Variants in RAB36 observed in about 807,000 individuals in gnomAD.
RAB36 encodes RAB36, member RAS oncogene family.
In RAB36, 33 loss-of-function variants were observed where a neutral mutation model predicts 39.3. That is an observed-to-expected ratio of 0.84 (90% CI 0.64 to 1.12). The LOEUF (loss-of-function observed/expected upper bound fraction) is 1.12, where lower values mean the gene tolerates loss of function less well. Ranked by LOEUF, RAB36 falls within the 50% of genes most tolerant of loss-of-function variation. The pLI, the probability that RAB36 is intolerant of heterozygous loss-of-function variation, is 0.00. For synonymous variants in RAB36, 133 were observed against 140.2 expected, an observed-to-expected ratio of 0.95 and a Z score of 0.36; for missense variants, 308 against 355.3, an observed-to-expected ratio of 0.87 and a Z score of 1.07.
downstream of RAB36, among the ~76,000 whole-genome samples, chr22:23,168,487 C>T (rs1054876668): frequency 2.7e-5 from 4 of 147,706 alleles, no homozygotes; most frequent in South Asian, 2.2e-4. Flanking sequence ...CCCTGGGCAC[C>T]GCTCCCCGCC....
chr22:23,159,134 G>T, intron 8 of RAB36, 29 bp from the exon 9 acceptor site: 1 of 1,607,608 alleles, frequency 6.2e-7, no homozygotes, highest in Non-Finnish European at 8.5e-7. Flanking sequence ...GAGCCGGGAC[G>T]CTGGGTCAAC....
At chr22:23,161,411 C>T in intron 10 of RAB36, 89 bp from the exon 11 acceptor site, 2 of 1,197,560 alleles carry the variant, frequency 1.7e-6, no homozygotes, top group South Asian at 1.3e-5. Context: ...CTTCAGCTCA[C>T]AGCTCTGACT....
intron 3 of RAB36, among the ~76,000 whole-genome samples, chr22:23,151,666 G>A (rs533589642): frequency 7.9e-5 from 12 of 152,302 alleles, no homozygotes; most frequent in African/African-American, 2.6e-4. Flanking sequence ...AGGATCACTC[G>A]AGCCAAGGAG....
rs540693348 is a variant in RAB36, at chr22:23,163,744, C to CT, written c.*2181dup. 40 of 152,262 alleles carry CT rather than the reference C, an allele frequency of 2.6e-4. No individual in the cohort carries two copies. The highest frequency in any genetic ancestry group is 7.2e-4 in the African/African-American group (30 of 41,540). The allele number at this position is 152,262 out of a possible 1,614,324, so 9.4% of individuals were successfully genotyped here. ...CAGTCAGGACTATTCCTTCTGGACT[C>CT]TGTGCCTTTGCCTGCACAGCTAGTG... On this transcript the variant is annotated 3_prime_UTR_variant, in exon 11 of 11. Transcript: ENST00000263116.
upstream of RAB36, chr22:23,145,346 C>T (rs1476441): frequency 0.11 from 176,033 of 1,599,056 alleles, 10,660 homozygotes; most frequent in Admixed American, 0.17. Flanking sequence ...CGCCCAGACT[C>T]CAGGCAGGTT....
At position 23,164,905 on chromosome 22, in the gene RAB36, A is replaced by T. The variant is rs1420514491; in HGVS notation, c.*3341A>T. Among the ~76,000 whole-genome samples the T allele has an allele frequency of 1.9e-5, 1 of 52,420 alleles. No individual in the cohort carries two copies. Among genetic ancestry groups the T allele is most frequent in the Admixed American group, 2.0e-4 (1 of 4,954 alleles). The allele number at this position is 52,420 out of a possible 152,430, so 34.4% of individuals were successfully genotyped here. On this transcript the variant is annotated 3_prime_UTR_variant, in exon 11 of 11. Coordinates refer to ENST00000263116, the MANE Select transcript of RAB36 (RefSeq NM_004914.5). ...GGCTCCTCACCACCCAGCCCACCCC[A>T]CCCCCACAGGCCCCTGTGCTCCAGT...
chr22:23,155,296 G>A (rs1367555212), intron 5 of RAB36, among the ~76,000 whole-genome samples: 3 of 152,158 alleles, frequency 2.0e-5, no homozygotes, highest in Non-Finnish European at 4.4e-5. Context: ...CTAAGCCAGG[G>A]CAGGTAGATC....
Position 23,165,565 on chromosome 22 carries a change from G to T in RAB36, c.*4001G>T, listed in dbSNP as rs781744988. Among the ~76,000 whole-genome samples, 4 of 152,208 alleles carry T rather than the reference G, an allele frequency of 2.6e-5. No homozygotes were observed. Among genetic ancestry groups the T allele is most frequent in the Admixed American group, 1.3e-4 (2 of 15,290 alleles). ...AGGCTCTGGGCACAGGAAAGAATTG[G>T]ACTTCGGGCAGAAAAATGTTTGTGC... On this transcript the variant is annotated 3_prime_UTR_variant, in exon 11 of 11. Coordinates refer to ENST00000263116, the MANE Select transcript of RAB36 (RefSeq NM_004914.5).
chr22:23,168,846 G>A (rs2072093111), downstream of RAB36, among the ~76,000 whole-genome samples: 1 of 152,186 alleles, frequency 6.6e-6, no homozygotes, highest in Non-Finnish European at 1.5e-5. Flanking sequence ...TGGGATACAT[G>A]GTGGGTGGTC....
chr22:23,168,590 C>G (rs1345857046), downstream of RAB36, among the ~76,000 whole-genome samples: 2 of 152,212 alleles, frequency 1.3e-5, no homozygotes, highest in African/African-American at 4.8e-5. Context: ...CTGCTGTGGC[C>G]TACCAATGTC....
intron 3 of RAB36, among the ~76,000 whole-genome samples, chr22:23,152,166 G>GC (rs2071184366): frequency 6.6e-6 from 1 of 152,186 alleles, no homozygotes; most frequent in African/African-American, 2.4e-5. Flanking sequence ...TCCTGCCTCT[G>GC]CCCCTCCACC....
At chr22:23,150,236 A>G (rs1467379788) in intron 3 of RAB36, 82 bp downstream of exon 3, 2 of 1,107,816 alleles carry the variant, frequency 1.8e-6, no homozygotes, top group Non-Finnish European at 2.7e-6. Context: ...TGAACAAATG[A>G]AACACACACA....
chr22:23,147,471 C>G (rs1200644245), intron 2 of RAB36, among the ~76,000 whole-genome samples: 1 of 152,042 alleles, frequency 6.6e-6, no homozygotes, highest in Non-Finnish European at 1.5e-5. Context: ...GCTAGGACCA[C>G]AGGCATGTGC....
intron 3 of RAB36, 131 bp from the exon 4 acceptor site, chr22:23,152,329 AG>A: frequency 1.2e-6 from 1 of 851,112 alleles, no homozygotes; most frequent in Non-Finnish European, 2.0e-6. Flanking sequence ...GTGTCTCAGC[AG>A]GGTGGCCCAT....
chr22:23,163,716 TA>T lies in RAB36; in HGVS notation c.*2154del, dbSNP rs2071948087. On this transcript the variant is annotated 3_prime_UTR_variant, in exon 11 of 11. Coordinates refer to ENST00000263116, the MANE Select transcript of RAB36 (RefSeq NM_004914.5). ...GAGCAGGAAAGACTGTTAGCTCTGC[TA>T]ACAGTCAGGACTATTCCTTCTGGAC... 6.6e-6 allele frequency: 1 copy of T among 151,850 alleles called. No individual in the cohort carries two copies. The highest frequency in any genetic ancestry group is 2.4e-5 in the African/African-American group (1 of 41,344). 9.4% of individuals were successfully genotyped at this position (151,850 alleles called of 1,614,324 possible). A position where few individuals can be genotyped will look rare whatever the true frequency, so the allele number is the denominator to read the frequency against.
rs2071986155 is a variant in RAB36 at position 23,164,465 on chromosome 22, C to T, written c.*2901C>T. 6.6e-6 allele frequency: 1 copy of T among 152,230 alleles called. No individual in the cohort carries two copies. 9.4% of individuals were successfully genotyped at this position (152,230 alleles called of 1,614,324 possible). ...AAGGTCGCCACGGAAACGCAAGGGGCTCAGTTGTCCCCCCACCCCAAGTTG... is the reference window on the plus strand; with the variant it reads ...AAGGTCGCCACGGAAACGCAAGGGGTTCAGTTGTCCCCCCACCCCAAGTTG... On this transcript the variant is annotated 3_prime_UTR_variant, in exon 11 of 11. Transcript: ENST00000263116.
chr22:23,157,254 G>GT lies in RAB36; in HGVS notation c.395-724dup, dbSNP rs57940333. Reference sequence around the variant, plus strand: ...ATGAAAGTTGGCCCTGGACTAACAGGTTTTTTTTTTTTTTGAGCCTGAGTC... The same window carrying GT: ...ATGAAAGTTGGCCCTGGACTAACAGGTTTTTTTTTTTTTTTGAGCCTGAGTC... On this transcript the variant is annotated intron_variant, in intron 6 of 10. Coordinates refer to ENST00000263116, the MANE Select transcript of RAB36 (RefSeq NM_004914.5). Among the ~76,000 whole-genome samples the GT allele has an allele frequency of 4.9e-3, 713 of 145,954 alleles. 6 individuals are homozygous for GT. Among genetic ancestry groups the GT allele is most frequent in the African/African-American group, 0.014 (574 of 39,676 alleles).
rs2146583732 is a variant in RAB36 at position 23,159,174 on chromosome 22, A to G, written c.540A>G (p.Ala180=). The G allele has an allele frequency of 1.2e-6, 2 of 1,611,486 alleles. No homozygotes were observed. The highest frequency in any genetic ancestry group is 1.3e-5 in the African/African-American group (1 of 75,036). ...GCCATTTCTCCCAGTCAGGGGCCGC[A>G]TGTGAGCAGGCCGAAGCAGACGCTG... ...GTKKDLLSGA[A]CEQAEADAVH... The change falls in exon 9 of 11, where the codon GCA becomes GCG. Residue 180 remains alanine, a synonymous_variant. Coordinates refer to ENST00000263116, the MANE Select transcript of RAB36 (RefSeq NM_004914.5).
chr22:23,156,127 C>A, intron 6 of RAB36, 95 bp downstream of exon 6: 1 of 817,974 alleles, frequency 1.2e-6, no homozygotes, highest in South Asian at 1.8e-5. Context: ...GCACAGGCAC[C>A]AGTTTTTTGT....
Sources: gnomAD v4.1 joint callset for allele counts (sites outside exome capture counted in the v4.1 genomes callset) on GRCh38, gnomAD v4.1.1 for gene constraint, MANE v1.5 for transcripts, NCBI Gene and HGNC (gene_info 2026-07-23, HGNC 2026-07-21) for gene names.